The following GALNT18 variants were observed in gnomAD, a reference collection of about 807,000 sequenced individuals.
GALNT18 encodes polypeptide N-acetylgalactosaminyltransferase 18.
Under a neutral mutation model 69.5 loss-of-function variants are expected in GALNT18, and 44 were observed. That is an observed-to-expected ratio of 0.63 (90% confidence interval 0.50 to 0.81). The LOEUF (loss-of-function observed/expected upper bound fraction) is 0.81. GALNT18 is among the 40% of genes least tolerant of loss of function. The pLI, the probability that GALNT18 is intolerant of heterozygous loss-of-function variation, is 0.00. For synonymous variants in GALNT18, 364 were observed against 318.2 expected (o/e 1.14, Z -1.53); for missense variants, 715 against 810.0 (o/e 0.88, Z 1.42).
intron 3 of GALNT18, among the ~76,000 whole-genome samples, chr11:11,392,619 CAAAAAGA>C (rs1455881715): frequency 6.6e-6 from 1 of 151,864 alleles, no homozygotes; most frequent in East Asian, 1.9e-4. Flanking sequence ...AACTCCTTCT[CAAAAAGA>C]AAAAAGAAAA....
At chr11:11,388,140 A>C (rs1161362444) in intron 3 of GALNT18, among the ~76,000 whole-genome samples, 3 of 152,206 alleles carry the variant, frequency 2.0e-5, no homozygotes, top group Non-Finnish European at 4.4e-5. Context: ...AGCCTTATCA[A>C]GTTACAGAAA....
Position 11,341,235 on chromosome 11 carries a change from C to CA in GALNT18, c.1093-232dup, listed in dbSNP as rs749238191. 3.1e-4 allele frequency among the ~76,000 whole-genome samples: 47 copies of CA among 151,880 alleles called. No homozygotes were observed. The highest frequency in any genetic ancestry group is 5.3e-4 in the Non-Finnish European group (36 of 67,956). ...GCTCTTATTGCTGTGGATTTACCAA[C>CA]AAAAAAAATGAATGCACTTTTTCCC... On this transcript the variant is annotated intron_variant, in intron 6 of 10. Transcript: ENST00000227756. This position sits in a 1 kb window ranked among gnomAD's most constrained non-coding sequence, Gnocchi z 6.3.
intron 1 of GALNT18, among the ~76,000 whole-genome samples, chr11:11,533,773 G>C (rs1296377725): frequency 2.0e-5 from 3 of 152,214 alleles, no homozygotes; most frequent in Non-Finnish European, 2.9e-5. Context: ...GTGCATGTCT[G>C]TGTATCTGGT....
intron 3 of GALNT18, among the ~76,000 whole-genome samples, chr11:11,397,471 C>T (rs1447868856): frequency 6.6e-6 from 1 of 152,000 alleles, no homozygotes. Flanking sequence ...CTCTTGAGGA[C>T]TTTTATTTTT....
rs147355494 is a variant in GALNT18, at chr11:11,420,927, T to G, written c.595+11694A>C. Among the ~76,000 whole-genome samples the G allele has an allele frequency of 6.3e-3, 960 of 152,252 alleles. 6 individuals carry two copies. Among genetic ancestry groups the G allele is most frequent in the South Asian group, 0.012 (60 of 4,818 alleles). ...CCAGGGGAAGAAGGCCTTTTTTTTT[T>G]GTATTTGATTCCTGCCAGCTTCATT... is the stretch of plus-strand genomic sequence containing the variant. On this transcript the variant is annotated intron_variant, in intron 3 of 10. Coordinates refer to ENST00000227756, the MANE Select transcript of GALNT18 (RefSeq NM_198516.3).
intron 9 of GALNT18, among the ~76,000 whole-genome samples, chr11:11,324,685 G>T (rs187509703): frequency 1.3e-5 from 2 of 151,756 alleles, no homozygotes. Flanking sequence ...TCATATGTTT[G>T]TTAGCTGTTT....
rs1850132340 is a variant in GALNT18 at position 11,337,415 on chromosome 11, C to A, written c.1278+3404G>T. 6.6e-6 allele frequency among the ~76,000 whole-genome samples: 1 copy of A among 152,084 alleles called. No homozygotes were observed. Among genetic ancestry groups the A allele is most frequent in the East Asian group, 1.9e-4 (1 of 5,178 alleles). ...TCTCAGTGGTTCTGAAGAACTTTCC[C>A]AAAAAACAGATCCCAGAGGCCCCTT... is the stretch of plus-strand genomic sequence containing the variant. On this transcript the variant is annotated intron_variant, in intron 7 of 10. Coordinates refer to ENST00000227756, the MANE Select transcript of GALNT18 (RefSeq NM_198516.3). This position sits in a 1 kb window ranked among gnomAD's most constrained non-coding sequence, Gnocchi z 4.9.
intron 1 of GALNT18, among the ~76,000 whole-genome samples, chr11:11,527,481 T>C (rs985448637): frequency 6.6e-6 from 1 of 152,112 alleles, no homozygotes; most frequent in African/African-American, 2.4e-5. Flanking sequence ...TAAGTAAATG[T>C]CCACATGAGC....
chr11:11,400,990 A>G (rs1854451084), intron 3 of GALNT18, among the ~76,000 whole-genome samples: 1 of 152,124 alleles, frequency 6.6e-6, no homozygotes, highest in African/African-American at 2.4e-5. Context: ...TCAATGGCTG[A>G]GGGTCGGCCG....
intron 1 of GALNT18, among the ~76,000 whole-genome samples, chr11:11,589,063 G>C (rs747067625): frequency 1.3e-5 from 2 of 152,196 alleles, no homozygotes; most frequent in Non-Finnish European, 2.9e-5. Flanking sequence ...CCAACTGATG[G>C]AAGAAAATAA....
Position 11,377,955 on chromosome 11 carries a change from G to A in GALNT18, c.780-576C>T, listed in dbSNP as rs1853814517. Among the ~76,000 whole-genome samples the A allele has an allele frequency of 6.6e-6, 1 of 152,184 alleles. No individual in the cohort carries two copies. The highest frequency in any genetic ancestry group is 1.5e-5 in the Non-Finnish European group (1 of 68,030). ...CATTTGGGCTTTCCCAGGGAGCTGGGAGACCCTTGAAGGCACCAGGCGAGT... is the reference window on the plus strand; with the variant it reads ...CATTTGGGCTTTCCCAGGGAGCTGGAAGACCCTTGAAGGCACCAGGCGAGT... On this transcript the variant is annotated intron_variant, in intron 4 of 10. Transcript: ENST00000227756. The surrounding 1 kb of genome is among the most constrained non-coding windows in gnomAD (Gnocchi z 4.6).
At chr11:11,424,528 C>T (rs1470032957) in intron 3 of GALNT18, among the ~76,000 whole-genome samples, 1 of 152,122 alleles carries the variant, frequency 6.6e-6, no homozygotes, top group Non-Finnish European at 1.5e-5. Context: ...ATTCTTTTGT[C>T]AACAAAATTG....
intron 3 of GALNT18, among the ~76,000 whole-genome samples, chr11:11,392,148 G>A (rs1210289277): frequency 6.6e-6 from 1 of 152,168 alleles, no homozygotes; most frequent in Non-Finnish European, 1.5e-5. Context: ...AGCTCCTTAA[G>A]GAGGGACCTA....
At position 11,389,882 on chromosome 11, in the gene GALNT18, C is replaced by G. The variant is rs890186958; in HGVS notation, c.596-10618G>C. ...AGGTCCAGTGCCCTTAGCAGTTAAG[C>G]CAGAGGCCAACTTGAATTTTGGTGC... On this transcript the variant is annotated intron_variant, in intron 3 of 10. Coordinates refer to ENST00000227756, the MANE Select transcript of GALNT18 (RefSeq NM_198516.3). The surrounding 1 kb of genome is among the most constrained non-coding windows in gnomAD (Gnocchi z 4.3). Among the ~76,000 whole-genome samples the G allele has an allele frequency of 2.8e-4, 43 of 152,164 alleles. No homozygotes were observed. Among genetic ancestry groups the G allele is most frequent in the African/African-American group, 1.0e-3 (43 of 41,440 alleles).
In GALNT18 at chr11:11,463,001, G is replaced by A. The variant is rs1211291620; in HGVS notation, c.236-14065C>T. Among the ~76,000 whole-genome samples, 2 of 152,126 alleles carry A rather than the reference G, an allele frequency of 1.3e-5. No individual in the cohort carries two copies. Among genetic ancestry groups the A allele is most frequent in the Non-Finnish European group, 2.9e-5 (2 of 68,034 alleles). On this transcript the variant is annotated intron_variant, in intron 1 of 10. Transcript: ENST00000227756. This position sits in a 1 kb window ranked among gnomAD's most constrained non-coding sequence, Gnocchi z 4.2. The stretch of plus-strand genomic sequence containing the variant: ...AGACCCCTTAACTGTGTTGGTGCCT[G>A]GGTCTAGATGTATAGCATGCACCTG...
At position 11,463,578 on chromosome 11, in the gene GALNT18, C is replaced by A. The variant is rs944448132; in HGVS notation, c.236-14642G>T. ...TCCCAGCAGCTGTCGGCTCACTGGACGTCTTTTCATTACTGTCCTAAGTCG... is the reference window on the plus strand; with the variant it reads ...TCCCAGCAGCTGTCGGCTCACTGGAAGTCTTTTCATTACTGTCCTAAGTCG... On this transcript the variant is annotated intron_variant, in intron 1 of 10. Transcript: ENST00000227756. The surrounding 1 kb of genome is among the most constrained non-coding windows in gnomAD (Gnocchi z 4.2). 4.6e-5 allele frequency among the ~76,000 whole-genome samples: 7 copies of A among 152,152 alleles called. No homozygotes were observed. The highest frequency in any genetic ancestry group is 2.0e-4 in the Admixed American group (3 of 15,284).
intron 1 of GALNT18, among the ~76,000 whole-genome samples, chr11:11,536,905 A>G (rs546407916): frequency 2.6e-5 from 4 of 152,260 alleles, no homozygotes; most frequent in Non-Finnish European, 5.9e-5. Flanking sequence ...GGCCAAAGCC[A>G]GGCAGCACCA....
At chr11:11,495,328 G>A (rs1291959987) in intron 1 of GALNT18, among the ~76,000 whole-genome samples, 1 of 152,112 alleles carries the variant, frequency 6.6e-6, no homozygotes, top group East Asian at 1.9e-4. Context: ...CCTTCACTAC[G>A]CTAATAATGA....
At chr11:11,457,010 C>A (rs1003316803) in intron 1 of GALNT18, among the ~76,000 whole-genome samples, 2 of 152,212 alleles carry the variant, frequency 1.3e-5, no homozygotes, top group Non-Finnish European at 2.9e-5. Context: ...AAAGCCACAG[C>A]TCTGAGCGTT....
Sources: allele counts gnomAD v4.1 joint callset (sites outside exome capture counted in the v4.1 genomes callset), GRCh38; gene constraint gnomAD v4.1.1; non-coding constraint Gnocchi (gnomAD v3.1); transcripts MANE v1.5; gene names NCBI Gene and HGNC (gene_info 2026-07-23, HGNC 2026-07-21).